Variants in CAMK4 observed in about 807,000 individuals in gnomAD.
The protein encoded by CAMK4 is calcium/calmodulin dependent protein kinase IV.
Under a neutral mutation model 44.9 loss-of-function variants are expected in CAMK4, and 22 were observed. The observed-to-expected ratio is 0.49, with a 90% CI of 0.35 to 0.70. The LOEUF (loss-of-function observed/expected upper bound fraction) is 0.70, where lower values mean the gene tolerates loss of function less well. CAMK4 is among the 30% of genes least tolerant of loss of function. The pLI is 0.01. For synonymous variants in CAMK4, 218 were observed against 215.4 expected (o/e 1.01, Z -0.11); for missense variants, 498 against 586.8 (o/e 0.85, Z 1.56).
intron 5 of CAMK4, among the ~76,000 whole-genome samples, chr5:111,428,755 C>G (rs1188727796): frequency 2.0e-5 from 3 of 151,906 alleles, no homozygotes; most frequent in African/African-American, 7.3e-5. Flanking sequence ...AAGAGCAAAT[C>G]TAAAGAGAAG....
At chr5:111,294,887 T>G (rs138304638) in intron 1 of CAMK4, among the ~76,000 whole-genome samples, 27 of 152,342 alleles carry the variant, frequency 1.8e-4, no homozygotes, top group African/African-American at 6.0e-4. Context: ...GCTACTAAGC[T>G]ATGTGCAGTG....
chr5:111,414,433 A>G (rs1446361912), intron 5 of CAMK4, among the ~76,000 whole-genome samples: 3 of 152,134 alleles, frequency 2.0e-5, no homozygotes, highest in East Asian at 3.9e-4. Context: ...TCCACAATAC[A>G]TTACCAGGTT....
intron 7 of CAMK4, among the ~76,000 whole-genome samples, chr5:111,456,523 T>A (rs894783595): frequency 1.6e-4 from 24 of 151,666 alleles, no homozygotes; most frequent in Non-Finnish European, 2.4e-4. Flanking sequence ...AATAAAAATT[T>A]CCCCCTAAGA....
chr5:111,428,586 G>A (rs1025586325), intron 5 of CAMK4, among the ~76,000 whole-genome samples: 1 of 152,116 alleles, frequency 6.6e-6, no homozygotes, highest in Non-Finnish European at 1.5e-5. Flanking sequence ...AAATGCAATT[G>A]GCATGTTGAA....
rs1256891161 is a variant in CAMK4, at chr5:111,485,508, CATT to C, written c.*1046_*1048del. ...TATTGACTTTAATAGAGTAAGAAAA[CATT>C]ATTGTTTATCAAAGCTCTTTTTTTA... is the stretch of plus-strand genomic sequence containing the variant. On this transcript the variant is annotated 3_prime_UTR_variant, in exon 11 of 11. Transcript: ENST00000282356. 5.9e-5 allele frequency: 9 copies of C among 152,014 alleles called. No homozygotes were observed. Among genetic ancestry groups the C allele is most frequent in the Admixed American group, 2.6e-4 (4 of 15,252 alleles). The allele number at this position is 152,014 out of a possible 1,614,324, so 9.4% of individuals were successfully genotyped here.
At chr5:111,326,995 C>CT (rs1748920246) in intron 1 of CAMK4, among the ~76,000 whole-genome samples, 1 of 151,162 alleles carries the variant, frequency 6.6e-6, no homozygotes, top group African/African-American at 2.4e-5. Context: ...TTCTAAGAAA[C>CT]TGTTTTTTTT....
At chr5:111,389,724 G>C (rs1751733390) in intron 4 of CAMK4, among the ~76,000 whole-genome samples, 1 of 152,164 alleles carries the variant, frequency 6.6e-6, no homozygotes, top group Non-Finnish European at 1.5e-5. Flanking sequence ...ATTCCCTTCT[G>C]GAGATAATAT....
intron 7 of CAMK4, among the ~76,000 whole-genome samples, chr5:111,453,567 A>G (rs1001323820): frequency 6.6e-6 from 1 of 152,182 alleles, no homozygotes; most frequent in Non-Finnish European, 1.5e-5. Context: ...TTATGATTCT[A>G]TAGAAAGCAA....
intron 1 of CAMK4, among the ~76,000 whole-genome samples, chr5:111,293,673 C>T (rs1278153061): frequency 6.6e-6 from 1 of 151,806 alleles, no homozygotes; most frequent in East Asian, 1.9e-4. Flanking sequence ...GATCCACCCG[C>T]CTCAGCCTCC....
At chr5:111,263,384 G>A (rs1233720878) in intron 1 of CAMK4, among the ~76,000 whole-genome samples, 1 of 152,174 alleles carries the variant, frequency 6.6e-6, no homozygotes, top group Non-Finnish European at 1.5e-5. Context: ...GCCAGTGAAG[G>A]CTGTTAAGGG....
intron 1 of CAMK4, among the ~76,000 whole-genome samples, chr5:111,305,792 CA>C: frequency 8.3e-6 from 1 of 120,858 alleles, no homozygotes; most frequent in African/African-American, 3.2e-5. Context: ...GAGACACAAC[CA>C]AAAAAGAGAA....
intron 1 of CAMK4, among the ~76,000 whole-genome samples, chr5:111,246,847 T>G (rs1749263302): frequency 6.6e-6 from 1 of 152,202 alleles, no homozygotes; most frequent in African/African-American, 2.4e-5. Flanking sequence ...CCAACTTTTG[T>G]GAGTGTGTGT....
chr5:111,293,969 G>T (rs777690675), intron 1 of CAMK4, among the ~76,000 whole-genome samples: 7 of 151,708 alleles, frequency 4.6e-5, no homozygotes, highest in Non-Finnish European at 1.0e-4. Context: ...GGATGGTCTC[G>T]ATCTCCTGAC....
chr5:111,372,387 TA>T (rs1456473137), intron 2 of CAMK4, among the ~76,000 whole-genome samples: 1 of 152,126 alleles, frequency 6.6e-6, no homozygotes, highest in African/African-American at 2.4e-5. Flanking sequence ...AATAGGCACA[TA>T]AATCAAGCAA....
chr5:111,299,657 C>T (rs889151254), intron 1 of CAMK4, among the ~76,000 whole-genome samples: 6 of 152,096 alleles, frequency 3.9e-5, no homozygotes, highest in African/African-American at 1.4e-4. Context: ...TTCCCTTGTT[C>T]CTTTTTACTT....
intron 5 of CAMK4, among the ~76,000 whole-genome samples, chr5:111,398,300 C>G (rs547835719): frequency 6.6e-6 from 1 of 152,180 alleles, no homozygotes; most frequent in Non-Finnish European, 1.5e-5. Context: ...AGGCTTCCTT[C>G]CCTAGTCCAG....
intron 7 of CAMK4, among the ~76,000 whole-genome samples, chr5:111,460,672 A>T (rs199506393): frequency 1.3e-5 from 2 of 152,118 alleles, no homozygotes; most frequent in East Asian, 1.9e-4. Context: ...ATCCCACGAA[A>T]ATTGAAAGGT....
chr5:111,316,820 A>G (rs1748444850), intron 1 of CAMK4, among the ~76,000 whole-genome samples: 1 of 152,190 alleles, frequency 6.6e-6, no homozygotes, highest in Non-Finnish European at 1.5e-5. Context: ...AGGAATAGCA[A>G]CATTCTAACC....
At chr5:111,444,731 G>A (rs1753967030) in intron 5 of CAMK4, among the ~76,000 whole-genome samples, 1 of 151,970 alleles carries the variant, frequency 6.6e-6, no homozygotes, top group Non-Finnish European at 1.5e-5. Flanking sequence ...AAGACTCCTT[G>A]CCTTCCCACA....
Sources: allele counts gnomAD v4.1 joint callset (sites outside exome capture counted in the v4.1 genomes callset), GRCh38; gene constraint gnomAD v4.1.1; transcripts MANE v1.5; gene names NCBI Gene and HGNC (gene_info 2026-07-23, HGNC 2026-07-21).